Variants in ENPP3 observed in about 807,000 individuals in gnomAD.
ENPP3 encodes ectonucleotide pyrophosphatase/phosphodiesterase family member 3.
Under a neutral mutation model 117.8 loss-of-function variants are expected in ENPP3, and 104 were observed. That is an observed-to-expected ratio of 0.88 (90% CI 0.75 to 1.04). The LOEUF (loss-of-function observed/expected upper bound fraction) is 1.04. Among genes scored for constraint, ENPP3 ranks in the 50% least tolerant of loss-of-function variants. The pLI is 0.00. For synonymous variants in ENPP3, 380 were observed against 349.9 expected (o/e 1.09, Z -0.96); for missense variants, 1,026 against 1,051.9 (o/e 0.98, Z 0.34).
At chr6:131,731,827 G>A (rs747144496) in intron 20 of ENPP3, among the ~76,000 whole-genome samples, 21 of 152,296 alleles carry the variant, frequency 1.4e-4, no homozygotes, top group Middle Eastern at 3.4e-3. Flanking sequence ...GTCATCTCTT[G>A]TGTGTTTTCA....
At position 131,663,524 on chromosome 6, in the gene ENPP3, CA is replaced by C. The variant is rs766427836; in HGVS notation, c.562+5124del. 2.6e-3 allele frequency among the ~76,000 whole-genome samples: 220 copies of C among 83,588 alleles called. 2 individuals carry two copies. Among genetic ancestry groups the C allele is most frequent in the East Asian group, 0.021 (71 of 3,336 alleles). The allele number at this position is 83,588 out of a possible 152,430, so 54.8% of individuals were successfully genotyped here. A position where few individuals can be genotyped will look rare whatever the true frequency, so the allele number is the denominator to read the frequency against. On this transcript the variant is annotated intron_variant, in intron 6 of 24. Coordinates refer to ENST00000357639, the MANE Select transcript of ENPP3 (RefSeq NM_005021.5). The stretch of plus-strand genomic sequence containing the variant: ...CAACAAAGTGAAACCCTGTCTCTAC[CA>C]AAAAAAAAAAAAAAAAAAAGTAGCT...
intron 20 of ENPP3, among the ~76,000 whole-genome samples, chr6:131,729,530 T>A (rs184742066): frequency 6.6e-6 from 1 of 152,330 alleles, no homozygotes; most frequent in East Asian, 1.9e-4. Flanking sequence ...AAAGTTCATA[T>A]TTTATCTGAG....
intron 1 of ENPP3, among the ~76,000 whole-genome samples, chr6:131,638,280 A>G (rs1777969519): frequency 6.6e-6 from 1 of 152,138 alleles, no homozygotes; most frequent in African/African-American, 2.4e-5. Flanking sequence ...CTACCATGAC[A>G]TTGACATTTT....
chr6:131,677,233 C>A (rs1410477153), intron 10 of ENPP3, among the ~76,000 whole-genome samples: 8 of 151,622 alleles, frequency 5.3e-5, no homozygotes, highest in African/African-American at 1.7e-4. Context: ...ATATCTCTCT[C>A]AAAAATAAAA....
At chr6:131,681,647 C>T (rs1299038169) in intron 11 of ENPP3, among the ~76,000 whole-genome samples, 1 of 152,008 alleles carries the variant, frequency 6.6e-6, no homozygotes, top group African/African-American at 2.4e-5. Flanking sequence ...AAATGAACTC[C>T]AATTCTACTA....
At chr6:131,723,262 A>T (rs1348883063) in intron 18 of ENPP3, among the ~76,000 whole-genome samples, 2 of 152,194 alleles carry the variant, frequency 1.3e-5, no homozygotes. Flanking sequence ...TCAAAATAGC[A>T]TTATACCACA....
intron 18 of ENPP3, among the ~76,000 whole-genome samples, chr6:131,723,245 CTATTCTTCAAAATAGCAT>C (rs1475697193): frequency 2.6e-5 from 4 of 152,160 alleles, no homozygotes; most frequent in Admixed American, 1.3e-4. Flanking sequence ...ATCACAATCT[CTATTCTTCAAAATAGCAT>C]TATACCACAG....
At chr6:131,646,636 C>T (rs961553897) in intron 2 of ENPP3, among the ~76,000 whole-genome samples, 4 of 151,876 alleles carry the variant, frequency 2.6e-5, no homozygotes, top group African/African-American at 9.7e-5. Flanking sequence ...TGCCTGTTCC[C>T]CTCTTCTCTT....
chr6:131,662,450 C>T (rs1363435771), intron 6 of ENPP3, among the ~76,000 whole-genome samples: 2 of 152,258 alleles, frequency 1.3e-5, no homozygotes, highest in South Asian at 4.1e-4. Context: ...CCATGTTGTC[C>T]AGGCTGGTCT....
At chr6:131,722,479 G>C in intron 18 of ENPP3, 74 bp downstream of exon 18, 6 of 1,221,984 alleles carry the variant, frequency 4.9e-6, no homozygotes, top group Non-Finnish European at 7.1e-6. Flanking sequence ...CTGACAACTG[G>C]GGTAGCAACA....
chr6:131,735,265 T>G (rs553068299), intron 21 of ENPP3, among the ~76,000 whole-genome samples: 19 of 152,330 alleles, frequency 1.2e-4, no homozygotes, highest in African/African-American at 4.3e-4. Context: ...GAAGTTCTAT[T>G]ACTAGCACGT....
At chr6:131,723,097 G>T (rs1020194463) in intron 18 of ENPP3, among the ~76,000 whole-genome samples, 1 of 152,140 alleles carries the variant, frequency 6.6e-6, no homozygotes, top group Non-Finnish European at 1.5e-5. Context: ...TTGGAGCCCC[G>T]TTATCAGGAG....
intron 20 of ENPP3, among the ~76,000 whole-genome samples, chr6:131,730,277 C>T (rs910669601): frequency 6.6e-6 from 1 of 152,272 alleles, no homozygotes; most frequent in Middle Eastern, 3.4e-3. Flanking sequence ...AACATACTTA[C>T]GTAGCCCTTA....
intron 21 of ENPP3, among the ~76,000 whole-genome samples, chr6:131,734,293 G>T (rs953712061): frequency 1.3e-5 from 2 of 152,084 alleles, no homozygotes; most frequent in Admixed American, 1.3e-4. Context: ...TGTTGTTGTT[G>T]TTTTCAGAAA....
Position 131,651,658 on chromosome 6 carries a change from G to T in ENPP3, c.278-884G>T, listed in dbSNP as rs538944214. 2.0e-5 allele frequency among the ~76,000 whole-genome samples: 3 copies of T among 152,316 alleles called. No homozygotes were observed. The South Asian group carries it at 6.2e-4, about 32-fold the overall frequency. Reference sequence around the variant, plus strand: ...TTAATTCCCTAAATAATCTGGGAAGGTGGTGGTGGGGGGGTGTCCAGTGGT... The same window carrying T: ...TTAATTCCCTAAATAATCTGGGAAGTTGGTGGTGGGGGGGTGTCCAGTGGT... On this transcript the variant is annotated intron_variant, in intron 3 of 24. Coordinates refer to ENST00000357639, the MANE Select transcript of ENPP3 (RefSeq NM_005021.5).
chr6:131,699,355 A>AACT (rs1221178649), intron 15 of ENPP3, among the ~76,000 whole-genome samples: 1 of 150,390 alleles, frequency 6.6e-6, no homozygotes, highest in Non-Finnish European at 1.5e-5. Context: ...AAATTCTTTG[A>AACT]ACTAAGACAA....
Position 131,720,446 on chromosome 6 carries a change from G to A in ENPP3, c.1567+67G>A. On this transcript the variant is annotated intron_variant, in intron 17 of 24. Transcript: ENST00000357639. The stretch of plus-strand genomic sequence containing the variant: ...TTTTAAATATATGTGATTTGAAATT[G>A]GTAGCAAACTGAATCCCAGAGGCTG... 3 of 774,226 alleles carry A rather than the reference G, an allele frequency of 3.9e-6. 1 individual carries two copies. In the South Asian group the frequency reaches 6.4e-5, roughly 16 times the overall value. 48.0% of individuals were successfully genotyped at this position (774,226 alleles called of 1,614,324 possible).
chr6:131,679,033 CTTTCTTTCTTTCTTTCT>C (rs1778956087), intron 11 of ENPP3, among the ~76,000 whole-genome samples: 32 of 99,332 alleles, frequency 3.2e-4, no homozygotes, highest in South Asian at 3.4e-4. Context: ...TTCCTTCTTT[CTTTCTTTCTTTCTTTCT>C]TTCTTTCTTT....
chr6:131,686,203 A>G (rs968293954), intron 14 of ENPP3, among the ~76,000 whole-genome samples: 2 of 152,180 alleles, frequency 1.3e-5, no homozygotes, highest in African/African-American at 2.4e-5. Context: ...TTCAGGTAGC[A>G]TCGTCTTTCT....
Sources: allele counts gnomAD v4.1 joint callset (sites outside exome capture counted in the v4.1 genomes callset), GRCh38; gene constraint gnomAD v4.1.1; transcripts MANE v1.5; gene names NCBI Gene and HGNC (gene_info 2026-07-23, HGNC 2026-07-21).